Variants in GPC6 observed in about 807,000 individuals in gnomAD.
GPC6 encodes glypican-6.
In GPC6, 14 loss-of-function variants were observed where a neutral mutation model predicts 55.2. The ratio of observed to expected loss-of-function variants is 0.25; its 90% confidence interval spans 0.17 to 0.40. GPC6 has a LOEUF of 0.40. Ranked by LOEUF, GPC6 falls within the 10% of genes least tolerant of loss-of-function variation. The probability of loss-of-function intolerance (pLI) is 1.00; values close to 1 mark genes in which losing one functional copy is unlikely to be tolerated. For missense variants in GPC6, 641 were observed against 708.5 expected, an observed-to-expected ratio of 0.90 and a Z score of 1.08; for synonymous variants, 278 against 259.6, an observed-to-expected ratio of 1.07 and a Z score of -0.68.
chr13:93,422,220 T>C (rs1251353063), intron 1 of GPC6, among the ~76,000 whole-genome samples: 7 of 152,274 alleles, frequency 4.6e-5, no homozygotes, highest in Non-Finnish European at 8.8e-5. Flanking sequence ...AATGGAAAAG[T>C]CTTCTAAGCA....
chr13:94,170,395 G>A (rs539144615), intron 4 of GPC6, among the ~76,000 whole-genome samples: 9 of 152,328 alleles, frequency 5.9e-5, no homozygotes, highest in African/African-American at 2.2e-4. Context: ...GGGTGCCAGA[G>A]GGACTGAGCT....
intron 1 of GPC6, among the ~76,000 whole-genome samples, chr13:93,314,712 G>GGTGTGTGT (rs370613459): frequency 8.1e-5 from 12 of 147,672 alleles, no homozygotes; most frequent in East Asian, 4.1e-4. Flanking sequence ...AACAAGGAGG[G>GGTGTGTGT]GTGTGTGTGT....
At chr13:93,873,512 C>A (rs1286806056) in intron 3 of GPC6, among the ~76,000 whole-genome samples, 1 of 151,682 alleles carries the variant, frequency 6.6e-6, no homozygotes, top group Non-Finnish European at 1.5e-5. Flanking sequence ...TATGTTACAA[C>A]CTGAAGGGTG....
intron 1 of GPC6, among the ~76,000 whole-genome samples, chr13:93,543,737 G>T (rs1882423112): frequency 6.6e-6 from 1 of 152,104 alleles, no homozygotes; most frequent in Admixed American, 6.6e-5. Context: ...TGGGCACCTA[G>T]ACTGATTCCA....
At chr13:93,343,508 G>C (rs1880331758) in intron 1 of GPC6, among the ~76,000 whole-genome samples, 1 of 152,148 alleles carries the variant, frequency 6.6e-6, no homozygotes, top group Admixed American at 6.5e-5. Context: ...ACTGTTACCT[G>C]CCTGTTATGA....
intron 4 of GPC6, among the ~76,000 whole-genome samples, chr13:94,032,299 A>G (rs1883171714): frequency 6.6e-6 from 1 of 152,234 alleles, no homozygotes; most frequent in East Asian, 1.9e-4. Flanking sequence ...AAGTGTTAGG[A>G]TAACAGAAGC....
At chr13:93,543,536 C>G (rs989967513) in intron 1 of GPC6, among the ~76,000 whole-genome samples, 1 of 152,010 alleles carries the variant, frequency 6.6e-6, no homozygotes, top group Non-Finnish European at 1.5e-5. Context: ...ATGCTGGCCT[C>G]ATAAAATGAG....
chr13:93,623,455 C>CTTTTTTTTTTTTTTTTT (rs567830011), intron 2 of GPC6, among the ~76,000 whole-genome samples: 8 of 116,196 alleles, frequency 6.9e-5, no homozygotes, highest in African/African-American at 2.7e-4. Context: ...CTTTTCTTTT[C>CTTTTTTTTTTTTTTTTT]TTTTTTTTTT....
At chr13:94,096,613 G>A (rs926022915) in intron 4 of GPC6, among the ~76,000 whole-genome samples, 2 of 152,064 alleles carry the variant, frequency 1.3e-5, no homozygotes, top group East Asian at 1.9e-4. Context: ...CAGAGCTCAC[G>A]GTCCAGGTGA....
chr13:93,316,663 C>T (rs1879259475), intron 1 of GPC6, among the ~76,000 whole-genome samples: 1 of 151,968 alleles, frequency 6.6e-6, no homozygotes, highest in Non-Finnish European at 1.5e-5. Flanking sequence ...TCTCTTTAGC[C>T]CTTATTACAT....
At chr13:93,927,244 A>G (rs1397482629) in intron 3 of GPC6, among the ~76,000 whole-genome samples, 1 of 152,220 alleles carries the variant, frequency 6.6e-6, no homozygotes, top group Non-Finnish European at 1.5e-5. Context: ...TAAACAAAAC[A>G]AATAAAAAGC....
At chr13:93,794,648 C>G (rs1001929329) in intron 2 of GPC6, among the ~76,000 whole-genome samples, 1 of 152,130 alleles carries the variant, frequency 6.6e-6, no homozygotes, top group Non-Finnish European at 1.5e-5. Context: ...GTATGCATTT[C>G]CAACTGGGAT....
chr13:94,161,793 T>A (rs1278163460), intron 4 of GPC6, among the ~76,000 whole-genome samples: 5 of 152,170 alleles, frequency 3.3e-5, no homozygotes, highest in African/African-American at 1.2e-4. Flanking sequence ...ACACTGCTGA[T>A]AAACGCATAC....
chr13:93,673,864 G>A (rs1336369559), intron 2 of GPC6, among the ~76,000 whole-genome samples: 1 of 152,146 alleles, frequency 6.6e-6, no homozygotes, highest in Non-Finnish European at 1.5e-5. Context: ...ACACATGAGA[G>A]ATTTGATTAC....
At chr13:93,249,663 G>A (rs887755198) in intron 1 of GPC6, among the ~76,000 whole-genome samples, 4 of 152,190 alleles carry the variant, frequency 2.6e-5, no homozygotes, top group African/African-American at 7.2e-5. Flanking sequence ...TCCAAGCAGC[G>A]CCTCATATTT....
intron 4 of GPC6, among the ~76,000 whole-genome samples, chr13:94,059,074 T>C (rs1884232643): frequency 6.6e-6 from 1 of 152,124 alleles, no homozygotes; most frequent in South Asian, 2.1e-4. Flanking sequence ...TTACATTTTA[T>C]TTATAGAGTT....
intron 4 of GPC6, chr13:94,187,162 G>C (rs1486580855): frequency 6.6e-6 from 1 of 152,136 alleles, no homozygotes. Flanking sequence ...TTTATTCTTG[G>C]TGCCTTGGGC....
chr13:93,276,957 G>T (rs928725414), intron 1 of GPC6, among the ~76,000 whole-genome samples: 1 of 151,958 alleles, frequency 6.6e-6, no homozygotes, highest in African/African-American at 2.4e-5. Context: ...CCTGTATTTC[G>T]ACAGTTTTTG....
At chr13:93,591,154 C>CAAAAAAAAAAA (rs759879838) in intron 2 of GPC6, among the ~76,000 whole-genome samples, 1 of 67,052 alleles carries the variant, frequency 1.5e-5, no homozygotes, top group African/African-American at 4.0e-5. Flanking sequence ...TCTAATAAAG[C>CAAAAAAAAAAA]AAAAGAAAAA....
Sources: gnomAD v4.1 joint callset for allele counts (sites outside exome capture counted in the v4.1 genomes callset) on GRCh38, gnomAD v4.1.1 for gene constraint, MANE v1.5 for transcripts, NCBI Gene and HGNC (gene_info 2026-07-23, HGNC 2026-07-21) for gene names.